The following HP1BP3 variants were observed in gnomAD, a reference collection of about 807,000 sequenced individuals.
HP1BP3 encodes heterochromatin protein 1-binding protein 3.
In HP1BP3, 12 loss-of-function variants were observed where a neutral mutation model predicts 62.5. That is an observed-to-expected ratio of 0.19 (90% CI 0.12 to 0.31). The LOEUF (loss-of-function observed/expected upper bound fraction) is 0.31, where lower values mean the gene tolerates loss of function less well. HP1BP3 is among the 10% of genes least tolerant of loss of function. The probability of loss-of-function intolerance (pLI) is 1.00; values close to 1 mark genes in which losing one functional copy is unlikely to be tolerated. For synonymous variants in HP1BP3, 260 were observed against 237.8 expected, an observed-to-expected ratio of 1.09 and a Z score of -0.86; for missense variants, 502 against 651.8, an observed-to-expected ratio of 0.77 and a Z score of 2.50.
chr1:20,762,674 C>G (rs1052868447), intron 8 of HP1BP3, among the ~76,000 whole-genome samples: 1 of 152,088 alleles, frequency 6.6e-6, no homozygotes, highest in Non-Finnish European at 1.5e-5. Context: ...TACCTATGAC[C>G]TAGAAGCCCC....
chr1:20,772,115 C>T (rs1176534937), intron 5 of HP1BP3, among the ~76,000 whole-genome samples: 1 of 152,098 alleles, frequency 6.6e-6, no homozygotes, highest in Non-Finnish European at 1.5e-5. Flanking sequence ...CAGAAAAGAA[C>T]ACTAATGCTG....
chr1:20,744,503 TA>T lies in HP1BP3; in HGVS notation c.*293del. 4.0e-6 allele frequency: 1 copy of T among 250,852 alleles called. No individual in the cohort carries two copies. The highest frequency in any genetic ancestry group is 2.3e-5 in the African/African-American group (1 of 43,752). The allele number at this position is 250,852 out of a possible 1,614,324, so 15.5% of individuals were successfully genotyped here. ...GAAAAAAAAAAGGCAAAGCTGACCA[TA>T]AAAACAACAGGGGGTTGGGGGAGGC... On this transcript the variant is annotated 3_prime_UTR_variant, in exon 13 of 13. Coordinates refer to ENST00000438032, the MANE Select transcript of HP1BP3 (RefSeq NM_001372052.1).
chr1:20,768,505 A>G (rs1207863977), intron 6 of HP1BP3, among the ~76,000 whole-genome samples: 2 of 152,144 alleles, frequency 1.3e-5, no homozygotes, highest in Admixed American at 6.5e-5. Context: ...GTTTTACCAC[A>G]TATTTCCAGT....
intron 9 of HP1BP3, among the ~76,000 whole-genome samples, chr1:20,754,669 A>G (rs1028458536): frequency 6.6e-6 from 1 of 152,184 alleles, no homozygotes; most frequent in Non-Finnish European, 1.5e-5. Flanking sequence ...TCCGGAAATA[A>G]ACCCTTATAT....
At chr1:20,767,749 T>G in intron 6 of HP1BP3, 85 bp from the exon 7 acceptor site, 1 of 781,682 alleles carries the variant, frequency 1.3e-6, no homozygotes, top group South Asian at 1.7e-5. Flanking sequence ...ATGCAAGAGC[T>G]AATGTAAAGT....
intron 1 of HP1BP3, among the ~76,000 whole-genome samples, chr1:20,781,857 C>T (rs2057565137): frequency 6.6e-6 from 1 of 152,194 alleles, no homozygotes; most frequent in Non-Finnish European, 1.5e-5. Flanking sequence ...AGCTCCTGAT[C>T]TCAGATGATC....
intron 10 of HP1BP3, 94 bp from the exon 11 acceptor site, chr1:20,747,749 G>A (rs1363326154): frequency 1.3e-5 from 9 of 700,168 alleles, no homozygotes; most frequent in African/African-American, 3.6e-5. Flanking sequence ...TTAATATCCT[G>A]TCACATACGG....
At chr1:20,783,966 T>A (rs188893813) in intron 1 of HP1BP3, among the ~76,000 whole-genome samples, 18 of 152,112 alleles carry the variant, frequency 1.2e-4, no homozygotes, top group Admixed American at 3.9e-4. Flanking sequence ...TGCCTTAACA[T>A]CACTGTACCT....
At chr1:20,767,367 A>T (rs889014552) in intron 7 of HP1BP3, among the ~76,000 whole-genome samples, 3 of 152,228 alleles carry the variant, frequency 2.0e-5, no homozygotes, top group African/African-American at 4.8e-5. Flanking sequence ...AATATAAGGC[A>T]CTTAAGAGCA....
chr1:20,770,844 A>G, intron 6 of HP1BP3, 86 bp downstream of exon 6: 1 of 978,160 alleles, frequency 1.0e-6, no homozygotes, highest in Non-Finnish European at 1.5e-6. Context: ...TTAACAAAAA[A>G]GGCACAAAAA....
intron 8 of HP1BP3, among the ~76,000 whole-genome samples, chr1:20,765,175 T>TAAAAAAA (rs4057761): frequency 3.5e-5 from 2 of 57,356 alleles, no homozygotes; most frequent in African/African-American, 7.2e-5. Flanking sequence ...CTCAAAAAAC[T>TAAAAAAA]AAAAAAAAAA....
chr1:20,770,519 T>C (rs1169137925), intron 6 of HP1BP3, among the ~76,000 whole-genome samples: 2 of 152,240 alleles, frequency 1.3e-5, no homozygotes, highest in Middle Eastern at 3.4e-3. Context: ...CTTGCTATGT[T>C]GCCCAGGCTG....
intron 8 of HP1BP3, among the ~76,000 whole-genome samples, chr1:20,761,211 A>C (rs573714360): frequency 6.6e-6 from 1 of 151,764 alleles, no homozygotes; most frequent in South Asian, 2.1e-4. Context: ...TGCATGGCTA[A>C]TTTTTTTGTA....
At chr1:20,764,531 C>G (rs1011296244) in intron 8 of HP1BP3, among the ~76,000 whole-genome samples, 11 of 149,894 alleles carry the variant, frequency 7.3e-5, no homozygotes, top group African/African-American at 2.7e-4. Flanking sequence ...TGTTTTTTTT[C>G]TTTTAAACCT....
At chr1:20,778,660 C>A (rs769801257) in intron 3 of HP1BP3, among the ~76,000 whole-genome samples, 2 of 141,842 alleles carry the variant, frequency 1.4e-5, no homozygotes, top group African/African-American at 3.2e-5. Context: ...CCAGGGTGCC[C>A]AAATTGCTTA....
intron 3 of HP1BP3, among the ~76,000 whole-genome samples, chr1:20,778,843 A>C (rs968165729): frequency 6.6e-6 from 1 of 150,568 alleles, no homozygotes; most frequent in Non-Finnish European, 1.5e-5. Context: ...AGGCTGGAAT[A>C]CAATGGCGTG....
chr1:20,781,986 GA>G lies in HP1BP3; in HGVS notation c.-100-1447del, dbSNP rs370313716. On this transcript the variant is annotated intron_variant, in intron 1 of 12. Coordinates refer to ENST00000438032, the MANE Select transcript of HP1BP3 (RefSeq NM_001372052.1). ...TGCTGGTATTTTTACATGCAAATAT[GA>G]TATGGAAATAAAACAATATCACAAT... Among the ~76,000 whole-genome samples, 49 of 152,234 alleles carry G rather than the reference GA, an allele frequency of 3.2e-4. 1 individual carries two copies. The East Asian group carries it at 9.5e-3, about 29-fold the overall frequency.
chr1:20,770,327 T>C (rs1048936216), intron 6 of HP1BP3, among the ~76,000 whole-genome samples: 11 of 152,172 alleles, frequency 7.2e-5, no homozygotes, highest in Non-Finnish European at 1.5e-4. Context: ...ATTTCTGTTA[T>C]TCCTTTTTGT....
chr1:20,767,683 T>C lies in HP1BP3; in HGVS notation c.655-19A>G. 2 of 1,526,480 alleles carry C rather than the reference T, an allele frequency of 1.3e-6. No homozygotes were observed. The highest frequency in any genetic ancestry group is 1.8e-6 in the Non-Finnish European group (2 of 1,109,574). The allele number at this position is 1,526,480 out of a possible 1,614,324, so 94.6% of individuals were successfully genotyped here. A position where few individuals can be genotyped will look rare whatever the true frequency, so the allele number is the denominator to read the frequency against. On this transcript the variant is annotated intron_variant, in intron 6 of 12. Coordinates refer to ENST00000438032, the MANE Select transcript of HP1BP3 (RefSeq NM_001372052.1). ...CTTTAACCTAAAGTAAATTAATTTT[T>C]GTTATTCTAGTATTCATAACTTTAC...
Sources: allele counts gnomAD v4.1 joint callset (sites outside exome capture counted in the v4.1 genomes callset), GRCh38; gene constraint gnomAD v4.1.1; transcripts MANE v1.5; gene names NCBI Gene and HGNC (gene_info 2026-07-23, HGNC 2026-07-21).